The following PDE11A variants were observed in gnomAD, a reference collection of about 807,000 sequenced individuals.
PDE11A encodes the protein phosphodiesterase 11A, also known as dual 3',5'-cyclic-AMP and -GMP phosphodiesterase 11A.
In PDE11A, 100 loss-of-function variants were observed where a neutral mutation model predicts 100.5. The ratio of observed to expected loss-of-function variants is 1.00; its 90% CI spans 0.85 to 1.18. PDE11A has a LOEUF of 1.18. Among genes scored for constraint, PDE11A ranks in the 50% most tolerant of loss-of-function variants. PDE11A has a pLI of 0.00. For synonymous variants in PDE11A, 381 were observed against 420.8 expected (o/e 0.91, Z 1.16); for missense variants, 1,141 against 1,152.6 (o/e 0.99, Z 0.15).
intron 5 of PDE11A, among the ~76,000 whole-genome samples, chr2:177,870,959 A>G (rs371110963): frequency 4.6e-5 from 7 of 152,138 alleles, no homozygotes; most frequent in African/African-American, 1.7e-4. Context: ...CTAATTCCTT[A>G]TTGTTCTAAA....
At chr2:177,891,256 C>T (rs1425894446) in intron 4 of PDE11A, among the ~76,000 whole-genome samples, 1 of 152,152 alleles carries the variant, frequency 6.6e-6, no homozygotes, top group Non-Finnish European at 1.5e-5. Context: ...TGCCACTGCA[C>T]TCCACCCTGG....
rs76636646 is a variant in PDE11A at position 178,082,673 on chromosome 2, G to A, written c.162+21629C>T. Among the ~76,000 whole-genome samples the A allele has an allele frequency of 8.7e-3, 1,325 of 152,272 alleles. 20 individuals carry two copies. The highest frequency in any genetic ancestry group is 0.031 in the African/African-American group (1,269 of 41,548). On this transcript the variant is annotated intron_variant, in intron 2 of 20. Transcript: ENST00000358450. ...GCACAGTTCAGCTTTATGTCCCTTC[G>A]TGGGGCCCACGTACAAAAAAACAGA...
intron 1 of PDE11A, among the ~76,000 whole-genome samples, chr2:178,044,521 T>C (rs2086725840): frequency 6.9e-6 from 1 of 145,494 alleles, no homozygotes; most frequent in Non-Finnish European, 1.5e-5. Context: ...AATATAAAAC[T>C]CTTGTTTCTG....
intron 4 of PDE11A, among the ~76,000 whole-genome samples, chr2:177,882,595 G>C (rs1307294069): frequency 2.6e-5 from 4 of 152,090 alleles, no homozygotes; most frequent in Non-Finnish European, 4.4e-5. Flanking sequence ...TCTTATAAGG[G>C]AAATATCAGA....
intron 6 of PDE11A, among the ~76,000 whole-genome samples, chr2:177,824,004 G>A (rs2083187216): frequency 6.6e-6 from 1 of 152,108 alleles, no homozygotes; most frequent in South Asian, 2.1e-4. Flanking sequence ...AGAAGCTGGT[G>A]GTGAGAAAAA....
intron 2 of PDE11A, among the ~76,000 whole-genome samples, chr2:178,001,124 A>C (rs2086140302): frequency 6.6e-6 from 1 of 152,194 alleles, no homozygotes; most frequent in African/African-American, 2.4e-5. Context: ...GGATTAAATG[A>C]GACAATATAT....
chr2:178,017,023 A>C (rs1456876727), intron 1 of PDE11A, among the ~76,000 whole-genome samples: 1 of 152,232 alleles, frequency 6.6e-6, no homozygotes, highest in Non-Finnish European at 1.5e-5. Context: ...TTCTCCTCCC[A>C]ACTAAAATAT....
At chr2:177,861,237 T>C (rs1468486249) in intron 5 of PDE11A, among the ~76,000 whole-genome samples, 1 of 151,742 alleles carries the variant, frequency 6.6e-6, no homozygotes, top group Non-Finnish European at 1.5e-5. Flanking sequence ...TTCAACAAGG[T>C]TACAGGACAT....
chr2:177,633,822 T>C (rs1218988858), intron 19 of PDE11A, among the ~76,000 whole-genome samples: 1 of 152,206 alleles, frequency 6.6e-6, no homozygotes, highest in Non-Finnish European at 1.5e-5. Flanking sequence ...CTATGGAAAT[T>C]AGTGTTTATG....
intron 15 of PDE11A, among the ~76,000 whole-genome samples, chr2:177,693,548 C>T (rs549276465): frequency 1.3e-5 from 2 of 152,172 alleles, no homozygotes; most frequent in Non-Finnish European, 2.9e-5. Context: ...ACTAAACTAC[C>T]TGAATGCAAG....
Position 177,797,242 on chromosome 2 carries a change from C to T in PDE11A, c.1737+19587G>A, listed in dbSNP as rs1439536446. On this transcript the variant is annotated intron_variant, in intron 9 of 19. Coordinates refer to ENST00000286063, the MANE Select transcript of PDE11A (RefSeq NM_016953.4). ...CTCCTGCAACTGATAGGACATTCCTCAAAAGAGCCCTTGCGGTACAATTTG... is the reference window on the plus strand; with the variant it reads ...CTCCTGCAACTGATAGGACATTCCTTAAAAGAGCCCTTGCGGTACAATTTG... 2.6e-5 allele frequency: 4 copies of T among 152,186 alleles called. 1 individual carries two copies. Among genetic ancestry groups the T allele is most frequent in the African/African-American group, 7.2e-5 (3 of 41,444 alleles). 9.4% of individuals were successfully genotyped at this position (152,186 alleles called of 1,614,324 possible). A position where few individuals can be genotyped will look rare whatever the true frequency, so the allele number is the denominator to read the frequency against.
intron 1 of PDE11A, among the ~76,000 whole-genome samples, chr2:178,023,207 T>G (rs2086435808): frequency 6.6e-6 from 1 of 152,140 alleles, no homozygotes. Flanking sequence ...AGAAAAAGGA[T>G]TCCCACCTTC....
In PDE11A at chr2:177,820,300, G is replaced by C; in HGVS notation, c.1501-5C>G. On this transcript the variant is annotated splice_region_variant and splice_polypyrimidine_tract_variant and intron_variant, in intron 6 of 19. Transcript: ENST00000286063. The stretch of plus-strand genomic sequence containing the variant: ...AAAACCAGATATCTGGTCTGCCTAG[G>C]AAACAAGAAAGAAGTTAATTAAAAT... 1 of 1,531,878 alleles carries C rather than the reference G, an allele frequency of 6.5e-7. No individual in the cohort carries two copies. Among genetic ancestry groups the C allele is most frequent in the Middle Eastern group, 1.7e-4 (1 of 5,852 alleles). 94.9% of individuals were successfully genotyped at this position (1,531,878 alleles called of 1,614,324 possible).
At chr2:178,104,026 AT>A (rs1480897686) in intron 2 of PDE11A, among the ~76,000 whole-genome samples, 1 of 152,178 alleles carries the variant, frequency 6.6e-6, no homozygotes, top group Non-Finnish European at 1.5e-5. Flanking sequence ...TTTTTTAAAA[AT>A]CTAGCTTATA....
intron 15 of PDE11A, among the ~76,000 whole-genome samples, chr2:177,690,573 TAAAA>T (rs1166893045): frequency 6.6e-6 from 1 of 152,248 alleles, no homozygotes. Flanking sequence ...TTGAACAATT[TAAAA>T]TAGTTTAGTG....
chr2:177,674,822 G>A (rs941273), intron 17 of PDE11A, among the ~76,000 whole-genome samples: 3,942 of 152,092 alleles, frequency 0.026, 176 homozygotes, highest in African/African-American at 0.085. Flanking sequence ...TACTGTTCTG[G>A]ACCCCACACA....
chr2:177,983,433 C>G (rs1574322566), intron 2 of PDE11A, among the ~76,000 whole-genome samples: 1 of 152,142 alleles, frequency 6.6e-6, no homozygotes, highest in African/African-American at 2.4e-5. Flanking sequence ...TAATCAACAT[C>G]TACTCTAAAA....
At chr2:178,034,131 T>C (rs1245140129) in intron 1 of PDE11A, among the ~76,000 whole-genome samples, 2 of 152,070 alleles carry the variant, frequency 1.3e-5, no homozygotes, top group African/African-American at 4.8e-5. Flanking sequence ...GAGCCATTGG[T>C]GTGCTGTATT....
intron 5 of PDE11A, among the ~76,000 whole-genome samples, chr2:177,859,758 T>C (rs1481114085): frequency 1.4e-5 from 2 of 144,962 alleles, no homozygotes; most frequent in African/African-American, 5.0e-5. Context: ...GCTCATATGA[T>C]AAAAAAAAAA....
Sources: gnomAD v4.1 joint callset for allele counts (sites outside exome capture counted in the v4.1 genomes callset) on GRCh38, gnomAD v4.1.1 for gene constraint, MANE v1.5 for transcripts, NCBI Gene and HGNC (gene_info 2026-07-23, HGNC 2026-07-21) for gene names.